RAPGEF6: variants seen among roughly 807,000 people sequenced by gnomAD.
RAPGEF6 encodes PDZ domain containing guanine nucleotide exchange factor (GEF) 2.
RAPGEF6 carries 56 observed loss-of-function variants against 171.4 expected under a neutral mutation model. That is an observed-to-expected ratio of 0.33 (90% CI 0.26 to 0.41). The LOEUF (loss-of-function observed/expected upper bound fraction) is 0.41. Among genes scored for constraint, RAPGEF6 ranks in the 10% least tolerant of loss-of-function variants. RAPGEF6 has a pLI of 1.00. For missense variants in RAPGEF6, 1,674 were observed against 1,921.4 expected (o/e 0.87, Z 2.41); for synonymous variants, 692 against 650.1 (o/e 1.06, Z -0.98).
chr5:131,623,116 C>G (rs1765688729), intron 1 of RAPGEF6, among the ~76,000 whole-genome samples: 1 of 152,160 alleles, frequency 6.6e-6, no homozygotes, highest in African/African-American at 2.4e-5. Flanking sequence ...TACGTTAACA[C>G]CTAGCAGAGC....
At position 131,607,105 on chromosome 5, in the gene RAPGEF6, C is replaced by G. The variant is rs150584855; in HGVS notation, c.70-2412G>C. On this transcript the variant is annotated intron_variant, in intron 1 of 27. Coordinates refer to ENST00000509018, the MANE Select transcript of RAPGEF6 (RefSeq NM_016340.6). ...TTTATATACTTGGCAGTTAGAATAC[C>G]CTAAATAATGGGTCCATGACCTGTG... is the stretch of plus-strand genomic sequence containing the variant. Among the ~76,000 whole-genome samples the G allele has an allele frequency of 2.9e-3, 435 of 152,172 alleles. 3 individuals carry two copies. Among genetic ancestry groups the G allele is most frequent in the African/African-American group, 0.01 (420 of 41,510 alleles).
At chr5:131,432,995 TA>T (rs1751801874) in intron 25 of RAPGEF6, among the ~76,000 whole-genome samples, 1 of 152,120 alleles carries the variant, frequency 6.6e-6, no homozygotes, top group Admixed American at 6.5e-5. Context: ...GCTAGGTGAT[TA>T]TTCTTACTCC....
At chr5:131,542,988 T>C (rs1013749755) in intron 6 of RAPGEF6, among the ~76,000 whole-genome samples, 1 of 152,216 alleles carries the variant, frequency 6.6e-6, no homozygotes, top group African/African-American at 2.4e-5. Context: ...CTCAATACTA[T>C]GGCTAGCTAG....
chr5:131,568,335 TA>T (rs1206958811), intron 4 of RAPGEF6, among the ~76,000 whole-genome samples: 1 of 67,976 alleles, frequency 1.5e-5, no homozygotes, highest in African/African-American at 6.8e-5. Context: ...TTATTTTTGT[TA>T]TTTTTTTTTT....
intron 11 of RAPGEF6, among the ~76,000 whole-genome samples, chr5:131,499,143 A>C (rs957641409): frequency 2.6e-5 from 4 of 152,238 alleles, no homozygotes; most frequent in Admixed American, 6.5e-5. Context: ...GTTACTTCCC[A>C]GAATAAATAT....
At chr5:131,513,075 T>C (rs1038669328) in intron 7 of RAPGEF6, among the ~76,000 whole-genome samples, 9 of 152,210 alleles carry the variant, frequency 5.9e-5, no homozygotes, top group African/African-American at 2.2e-4. Flanking sequence ...CTCTGAGTTG[T>C]TTACTGGCTA....
At chr5:131,439,994 TATGCCCCACCTCCCACAATTGACACAGTG>T (rs1396859781) in intron 23 of RAPGEF6, 1 of 467,502 alleles carries the variant, frequency 2.1e-6, no homozygotes, top group Non-Finnish European at 3.9e-6. Context: ...GTCTGAGTGC[TATGCCCCACCTCCCACAATTGACACAGTG>T]ATTTGAAATC....
chr5:131,570,152 A>G (rs1453256317), intron 4 of RAPGEF6, among the ~76,000 whole-genome samples: 2 of 150,394 alleles, frequency 1.3e-5, no homozygotes, highest in Non-Finnish European at 3.0e-5. Context: ...TTACAATTTG[A>G]TAAGACAGTA....
At position 131,577,676 on chromosome 5, in the gene RAPGEF6, T is replaced by G. The variant is rs112603975; in HGVS notation, c.281+14707A>C. On this transcript the variant is annotated intron_variant, in intron 4 of 27. Transcript: ENST00000509018. The stretch of plus-strand genomic sequence containing the variant: ...CCAGACCCTACTTAGTCATCTACAG[T>G]ACCCTAACTGCCGTCCGCCTGCAGG... Among the ~76,000 whole-genome samples the G allele has an allele frequency of 1.8e-3, 276 of 152,268 alleles. 1 individual carries two copies. The highest frequency in any genetic ancestry group is 6.0e-3 in the African/African-American group (248 of 41,548).
chr5:131,436,427 G>C, intron 24 of RAPGEF6: 1 of 1,427,114 alleles, frequency 7.0e-7, no homozygotes, highest in Non-Finnish European at 9.4e-7. Context: ...ATCACAATTA[G>C]CCTTGTTTAC....
chr5:131,568,159 T>C (rs960865906), intron 4 of RAPGEF6, among the ~76,000 whole-genome samples: 1 of 152,214 alleles, frequency 6.6e-6, no homozygotes, highest in Non-Finnish European at 1.5e-5. Context: ...ATTTAGACTA[T>C]GCACATGTAA....
intron 6 of RAPGEF6, among the ~76,000 whole-genome samples, chr5:131,531,722 T>C (rs1759387019): frequency 6.6e-6 from 1 of 152,192 alleles, no homozygotes; most frequent in Non-Finnish European, 1.5e-5. Context: ...ATCATATTAA[T>C]GAAAAATGTC....
At chr5:131,594,283 C>T in intron 3 of RAPGEF6, among the ~76,000 whole-genome samples, 1 of 152,254 alleles carries the variant, frequency 6.6e-6, no homozygotes, top group East Asian at 1.9e-4. Flanking sequence ...AACAGTATAG[C>T]TCAAGCCATT....
intron 7 of RAPGEF6, among the ~76,000 whole-genome samples, chr5:131,512,632 C>T (rs1757811946): frequency 6.6e-6 from 1 of 152,154 alleles, no homozygotes; most frequent in South Asian, 2.1e-4. Flanking sequence ...AGACTAAATA[C>T]TCAAATTGTG....
At chr5:131,541,661 CTT>C (rs1345668803) in intron 6 of RAPGEF6, among the ~76,000 whole-genome samples, 1 of 151,974 alleles carries the variant, frequency 6.6e-6, no homozygotes. Context: ...GGCCTCAAAA[CTT>C]TTAAAAATCA....
intron 3 of RAPGEF6, among the ~76,000 whole-genome samples, chr5:131,593,241 G>C (rs1763693455): frequency 1.3e-5 from 2 of 152,058 alleles, no homozygotes; most frequent in South Asian, 4.2e-4. Flanking sequence ...ATCAATATAG[G>C]AATCTTCAGC....
intron 5 of RAPGEF6, among the ~76,000 whole-genome samples, chr5:131,559,077 C>T (rs1340719647): frequency 6.6e-6 from 1 of 152,104 alleles, no homozygotes; most frequent in African/African-American, 2.4e-5. Flanking sequence ...CCTGTTAATC[C>T]CAGCGCTTTG....
Position 131,425,886 on chromosome 5 carries a change from C to CTTTTTTTTTTT in RAPGEF6, c.*1369_*1379dup, listed in dbSNP as rs376096619. 4 of 84,434 alleles carry CTTTTTTTTTTT rather than the reference C, an allele frequency of 4.7e-5. No individual in the cohort carries two copies. The highest frequency in any genetic ancestry group is 6.8e-5 in the Non-Finnish European group (3 of 43,966). 5.2% of individuals were successfully genotyped at this position (84,434 alleles called of 1,614,324 possible). On this transcript the variant is annotated 3_prime_UTR_variant, in exon 28 of 28. Transcript: ENST00000509018. ...GGGTAGTGCACGTTAATGGCTTTGG[C>CTTTTTTTTTTT]TTTTTTTTTTTTTTTTTTTTTGGTA...
chr5:131,573,029 C>T (rs1210230189), intron 4 of RAPGEF6, among the ~76,000 whole-genome samples: 1 of 152,086 alleles, frequency 6.6e-6, no homozygotes, highest in African/African-American at 2.4e-5. Context: ...GCGACTCATC[C>T]CAGACTTTCC....
Sources: gnomAD v4.1 joint callset for allele counts (sites outside exome capture counted in the v4.1 genomes callset) on GRCh38, gnomAD v4.1.1 for gene constraint, MANE v1.5 for transcripts, NCBI Gene and HGNC (gene_info 2026-07-23, HGNC 2026-07-21) for gene names.